Variants in MAN2A1 observed in about 807,000 individuals in gnomAD.
MAN2A1 encodes alpha-mannosidase 2.
Under a neutral mutation model 142.6 loss-of-function variants are expected in MAN2A1, and 76 were observed. The observed-to-expected ratio is 0.53, with a 90% CI of 0.44 to 0.65. The LOEUF is 0.65. Among genes scored for constraint, MAN2A1 ranks in the 30% least tolerant of loss-of-function variants. The pLI is 0.00. For missense variants in MAN2A1, 1,311 were observed against 1,365.1 expected (o/e 0.96, Z 0.62); for synonymous variants, 559 against 473.2 (o/e 1.18, Z -2.35).
chr5:109,722,713 G>A (rs1407426688), intron 3 of MAN2A1, among the ~76,000 whole-genome samples: 1 of 152,136 alleles, frequency 6.6e-6, no homozygotes, highest in African/African-American at 2.4e-5. Flanking sequence ...ACCGTACCTA[G>A]CAATATTTTC....
At chr5:109,852,603 G>A (rs1755512372) in intron 19 of MAN2A1, among the ~76,000 whole-genome samples, 1 of 152,150 alleles carries the variant, frequency 6.6e-6, no homozygotes, top group South Asian at 2.1e-4. Flanking sequence ...ATCAGAAGGT[G>A]CTAGAAACTT....
intron 8 of MAN2A1, among the ~76,000 whole-genome samples, chr5:109,778,496 T>A (rs2112662179): frequency 6.6e-6 from 1 of 152,230 alleles, no homozygotes; most frequent in African/African-American, 2.4e-5. Flanking sequence ...ATTCCCTTTA[T>A]CAGATTATGG....
At chr5:109,735,439 C>T (rs1006956737) in intron 4 of MAN2A1, among the ~76,000 whole-genome samples, 2 of 152,098 alleles carry the variant, frequency 1.3e-5, no homozygotes, top group Non-Finnish European at 1.5e-5. Flanking sequence ...TTATTTTGCT[C>T]GTTAGTTGAT....
chr5:109,698,006 A>G lies in MAN2A1; in HGVS notation c.135+7454A>G, dbSNP rs374044230. ...CTCTTCTTTCACCTGAAGGTTTTGC[A>G]CTGTAGGACTGCTCTGGGAAGGAAG... On this transcript the variant is annotated intron_variant, in intron 1 of 21. Transcript: ENST00000261483. Among the ~76,000 whole-genome samples, 15 of 152,262 alleles carry G rather than the reference A, an allele frequency of 9.9e-5. No individual in the cohort carries two copies. The East Asian group carries it at 2.3e-3, about 23-fold the overall frequency.
intron 3 of MAN2A1, among the ~76,000 whole-genome samples, chr5:109,724,499 A>C (rs894469673): frequency 9.2e-5 from 14 of 152,212 alleles, no homozygotes; most frequent in Admixed American, 2.6e-4. Context: ...AAATTTGAGA[A>C]TATTTATCAC....
intron 16 of MAN2A1, among the ~76,000 whole-genome samples, chr5:109,838,192 T>TCTGTTCTA (rs1333180413): frequency 6.6e-6 from 1 of 152,218 alleles, no homozygotes; most frequent in Non-Finnish European, 1.5e-5. Flanking sequence ...GTGAACTGGC[T>TCTGTTCTA]CTGTTCTACC....
At chr5:109,853,951 T>G (rs1755545979) in intron 19 of MAN2A1, 1 of 152,180 alleles carries the variant, frequency 6.6e-6, no homozygotes, top group South Asian at 2.1e-4. Context: ...GTCTGAAATG[T>G]AATGACATCT....
intron 19 of MAN2A1, 23 bp downstream of exon 19, chr5:109,847,813 A>T: frequency 6.8e-7 from 1 of 1,474,730 alleles, no homozygotes; most frequent in East Asian, 2.6e-5. Context: ...AACTAGCATG[A>T]TCTGATATTG....
intron 1 of MAN2A1, chr5:109,699,503 G>A (rs1200309397): frequency 1.3e-5 from 2 of 152,188 alleles, no homozygotes; most frequent in African/African-American, 2.4e-5. Flanking sequence ...AATAAGTGAT[G>A]TAATGCATAT....
chr5:109,733,156 T>C (rs1406531000), intron 4 of MAN2A1, among the ~76,000 whole-genome samples: 1 of 152,178 alleles, frequency 6.6e-6, no homozygotes. Context: ...ATGATTTGGC[T>C]CTCTGTTTGT....
At chr5:109,751,914 T>G (rs537364288) in intron 4 of MAN2A1, among the ~76,000 whole-genome samples, 1 of 152,122 alleles carries the variant, frequency 6.6e-6, no homozygotes, top group Non-Finnish European at 1.5e-5. Flanking sequence ...CTTTGAAACT[T>G]AACTTTTTAA....
At chr5:109,706,428 A>G (rs989339492) in intron 1 of MAN2A1, among the ~76,000 whole-genome samples, 44 of 152,310 alleles carry the variant, frequency 2.9e-4, no homozygotes, top group African/African-American at 1.0e-3. Flanking sequence ...CCTGTGCTAA[A>G]TTCTTTCACA....
chr5:109,710,071 C>T (rs912998196), intron 1 of MAN2A1, among the ~76,000 whole-genome samples: 3 of 152,044 alleles, frequency 2.0e-5, no homozygotes, highest in Admixed American at 6.6e-5. Context: ...TTTATTCCAC[C>T]GCATAATATA....
rs17162113 is a variant in MAN2A1 at position 109,720,227 on chromosome 5, A to G, written c.535+3963A>G. 3.5e-3 allele frequency among the ~76,000 whole-genome samples: 531 copies of G among 152,312 alleles called. 6 individuals are homozygous for G. The highest frequency in any genetic ancestry group is 0.012 in the African/African-American group (508 of 41,568). ...GTTAGTTAAGCAATTTGTGAAATGA[A>G]CATTAGAAAATAATCCCCCTTGTGG... On this transcript the variant is annotated intron_variant, in intron 3 of 21. Transcript: ENST00000261483.
chr5:109,814,353 C>G (rs1754397304), intron 12 of MAN2A1, among the ~76,000 whole-genome samples: 1 of 152,012 alleles, frequency 6.6e-6, no homozygotes, highest in African/African-American at 2.4e-5. Flanking sequence ...TGTTTGACTA[C>G]CAAATGTGAT....
intron 4 of MAN2A1, among the ~76,000 whole-genome samples, chr5:109,734,542 A>C (rs1228552225): frequency 2.0e-5 from 3 of 152,064 alleles, no homozygotes; most frequent in Non-Finnish European, 4.4e-5. Flanking sequence ...ACTGCTTTGA[A>C]TGTGTCCCAG....
chr5:109,851,816 G>A (rs1236552382), intron 19 of MAN2A1, among the ~76,000 whole-genome samples: 1 of 152,066 alleles, frequency 6.6e-6, no homozygotes, highest in Admixed American at 6.6e-5. Flanking sequence ...TTGTGTTGTT[G>A]TACCTTTAAA....
intron 4 of MAN2A1, among the ~76,000 whole-genome samples, chr5:109,738,314 C>T (rs745578371): frequency 1.3e-5 from 2 of 150,170 alleles, no homozygotes; most frequent in African/African-American, 2.4e-5. Flanking sequence ...ACAGACACTT[C>T]CCGAACGTCT....
intron 19 of MAN2A1, among the ~76,000 whole-genome samples, chr5:109,848,933 T>C (rs1025906258): frequency 6.6e-6 from 1 of 152,224 alleles, no homozygotes; most frequent in African/African-American, 2.4e-5. Flanking sequence ...TCAGTCTGGC[T>C]TTAGCCTCCA....
Sources: gnomAD v4.1 joint callset for allele counts (sites outside exome capture counted in the v4.1 genomes callset) on GRCh38, gnomAD v4.1.1 for gene constraint, MANE v1.5 for transcripts, NCBI Gene and HGNC (gene_info 2026-07-23, HGNC 2026-07-21) for gene names.